The following ARHGEF10 variants were observed in gnomAD, a reference collection of about 807,000 sequenced individuals.
ARHGEF10 encodes the protein Rho guanine nucleotide exchange factor (GEF) 10.
A neutral mutation model predicts 147.4 loss-of-function variants in ARHGEF10; 140 were observed. The observed-to-expected ratio is 0.95, with a 90% CI of 0.83 to 1.09. The LOEUF (loss-of-function observed/expected upper bound fraction) is 1.09. ARHGEF10 is among the 50% of genes least tolerant of loss of function. ARHGEF10 has a pLI of 0.00. For synonymous variants in ARHGEF10, 902 were observed against 695.8 expected (o/e 1.30, Z -4.67); for missense variants, 2,222 against 1,752.7 (o/e 1.27, Z -4.78).
chr8:1,875,334 A>C (rs1234491142), intron 7 of ARHGEF10, among the ~76,000 whole-genome samples: 1 of 152,110 alleles, frequency 6.6e-6, no homozygotes, highest in Admixed American at 6.5e-5. Context: ...CTTTTCTCTG[A>C]GTCCCCTAGT....
intron 1 of ARHGEF10, among the ~76,000 whole-genome samples, chr8:1,843,065 AT>A (rs1804218351): frequency 6.6e-6 from 1 of 152,236 alleles, no homozygotes; most frequent in Non-Finnish European, 1.5e-5. Flanking sequence ...AGCCAGTGTC[AT>A]TTTGGGAGGG....
At position 1,885,585 on chromosome 8, in the gene ARHGEF10, T is replaced by G; in HGVS notation, c.1076-16T>G. 1 of 1,574,588 alleles carries G rather than the reference T, an allele frequency of 6.4e-7. No homozygotes were observed. Among genetic ancestry groups the G allele is most frequent in the African/African-American group, 1.3e-5 (1 of 74,274 alleles). ...ATTTGAATGTAAAATTCATGCATTT[T>G]GACTTTTTTTTTAAGATCACAGATC... is the stretch of plus-strand genomic sequence containing the variant. On this transcript the variant is annotated splice_polypyrimidine_tract_variant and intron_variant, in intron 10 of 28. Coordinates refer to ENST00000349830, the MANE Select transcript of ARHGEF10 (RefSeq NM_014629.4).
chr8:1,869,673 G>T, intron 7 of ARHGEF10: 1 of 316,086 alleles, frequency 3.2e-6, no homozygotes, highest in South Asian at 2.9e-5. Context: ...TAGACATAGA[G>T]ATTCAAAGCA....
chr8:1,931,268 A>G (rs898673527), intron 25 of ARHGEF10, among the ~76,000 whole-genome samples: 1 of 152,194 alleles, frequency 6.6e-6, no homozygotes, highest in East Asian at 1.9e-4. Context: ...ACTTTTTCAT[A>G]TAATCTGGAT....
Position 1,894,581 on chromosome 8 carries a change from G to A in ARHGEF10, c.1440+9G>A. The A allele has an allele frequency of 6.2e-7, 1 of 1,613,848 alleles. No homozygotes were observed. The highest frequency in any genetic ancestry group is 1.1e-5 in the South Asian group (1 of 91,060). ...ATGTCTTCGTGGCTTCGGTAATTAA[G>A]CTGGGACACCTGGATGTCCATGGGG... On this transcript the variant is annotated intron_variant, in intron 13 of 28. Transcript: ENST00000349830.
intron 2 of ARHGEF10, among the ~76,000 whole-genome samples, chr8:1,850,396 CT>C (rs1805029634): frequency 6.8e-6 from 1 of 146,490 alleles, no homozygotes. Flanking sequence ...ACGGCAAATG[CT>C]GAGGAGGGTG....
At chr8:1,952,591 C>T in intron 27 of ARHGEF10, 114 bp from the exon 28 acceptor site, 2 of 1,424,140 alleles carry the variant, frequency 1.4e-6, no homozygotes, top group Non-Finnish European at 1.9e-6. Context: ...CATCCTGCCC[C>T]TGGCGGATTT....
Position 1,869,197 on chromosome 8 carries a change from C to T in ARHGEF10, c.626C>T (p.Pro209Leu). The change falls in exon 7 of 29, where the codon CCA (proline) becomes CTA (leucine). Residue 209 changes from proline (P) to leucine (L), a missense_variant. Transcript: ENST00000349830. ...DPANTAWMEN[P>L]EEAIYDDVPR... Reference sequence around the variant, plus strand: ...TGTTTCTCCCCGTTTATTGCAGATCCAGAGGAAGCAATTTACGATGACGTT... The same window carrying T: ...TGTTTCTCCCCGTTTATTGCAGATCTAGAGGAAGCAATTTACGATGACGTT... The T allele has an allele frequency of 6.2e-7, 1 of 1,613,656 alleles. No individual in the cohort carries two copies. The highest frequency in any genetic ancestry group is 2.2e-5 in the East Asian group (1 of 44,868).
At chr8:1,859,840 C>A in intron 3 of ARHGEF10, 57 bp from the exon 4 acceptor site, 1 of 1,604,188 alleles carries the variant, frequency 6.2e-7, no homozygotes. Context: ...TCCAGGAGGG[C>A]ATGCCTGCCA....
intron 26 of ARHGEF10, among the ~76,000 whole-genome samples, chr8:1,934,614 A>G (rs1218830746): frequency 1.3e-5 from 2 of 152,198 alleles, no homozygotes; most frequent in African/African-American, 4.8e-5. Flanking sequence ...TCACCAAAGA[A>G]TCAGGAGACA....
intron 2 of ARHGEF10, among the ~76,000 whole-genome samples, chr8:1,852,122 C>T (rs1364529344): frequency 3.9e-5 from 6 of 152,138 alleles, no homozygotes; most frequent in Non-Finnish European, 7.3e-5. Flanking sequence ...AATTAAATAA[C>T]AACAACAACT....
At position 1,880,148 on chromosome 8, in the gene ARHGEF10, A is replaced by C; in HGVS notation, c.944A>C (p.Gln315Pro). The C allele has an allele frequency of 6.2e-7, 1 of 1,613,372 alleles. No individual in the cohort carries two copies. The highest frequency in any genetic ancestry group is 8.5e-7 in the Non-Finnish European group (1 of 1,179,352). ...GTGGTGGAGATTCAGCAGCTCAGGC[A>C]GAAGCATGAACTGAAGGTAGAGTCT... ...VGVVEIQQLR[Q>P]KHELKMQKLV... Residue 315 changes from glutamine (Q) to proline (P), a missense_variant, in exon 9 of 29, where the codon CAG (glutamine) becomes CCG (proline). Gln to Pro is a moderately conservative substitution (Grantham distance 76). Coordinates refer to ENST00000349830, the MANE Select transcript of ARHGEF10 (RefSeq NM_014629.4).
At position 1,901,660 on chromosome 8, in the gene ARHGEF10, G is replaced by GT. The variant is rs1188209172; in HGVS notation, c.1651-1621_1651-1620insT. On this transcript the variant is annotated intron_variant, in intron 15 of 28. Coordinates refer to ENST00000349830, the MANE Select transcript of ARHGEF10 (RefSeq NM_014629.4). ...CGGATGCCCCCGGCTGTGCTCAGTG[G>GT]CCCCACGGCATGTCGGACTCCACCC... is the stretch of plus-strand genomic sequence containing the variant. 2.0e-5 allele frequency among the ~76,000 whole-genome samples: 3 copies of GT among 152,232 alleles called. No individual in the cohort carries two copies. In the East Asian group the frequency reaches 5.8e-4, roughly 29 times the overall value.
At chr8:1,903,610 AC>A (rs1409468057) in intron 16 of ARHGEF10, 159 bp downstream of exon 16, 1 of 826,462 alleles carries the variant, frequency 1.2e-6, no homozygotes, top group Non-Finnish European at 1.9e-6. Flanking sequence ...GGAGAGTCAC[AC>A]CAATGTGGAA....
intron 25 of ARHGEF10, among the ~76,000 whole-genome samples, chr8:1,930,096 T>C (rs950957877): frequency 6.6e-6 from 1 of 151,958 alleles, no homozygotes; most frequent in East Asian, 1.9e-4. Flanking sequence ...CCTTCCAGCT[T>C]CCTTGGTGCT....
intron 17 of ARHGEF10, among the ~76,000 whole-genome samples, chr8:1,907,498 C>T (rs1810994840): frequency 6.6e-6 from 1 of 152,200 alleles, no homozygotes; most frequent in South Asian, 2.1e-4. Context: ...TTTCCGCATT[C>T]ATCACTGATG....
In ARHGEF10 at chr8:1,923,020, G is replaced by A. The variant is rs1205141333; in HGVS notation, c.2200G>A (p.Asp734Asn). 6.2e-7 allele frequency: 1 copy of A among 1,613,472 alleles called. No individual in the cohort carries two copies. The change falls in exon 19 of 29, where the codon GAC (aspartate) becomes AAC (asparagine). Residue 734 changes from aspartate to asparagine, a missense_variant. Physicochemically the swap from Asp to Asn is conservative, Grantham distance 23. Transcript: ENST00000349830. ...TCAAGATTTACAAAACTTGTTGCATGACTTAAATGTAATTGGCCAAATCAC... is the reference window on the plus strand; with the variant it reads ...TCAAGATTTACAAAACTTGTTGCATAACTTAAATGTAATTGGCCAAATCAC... ...LYQDLQNLLH[D>N]LNVIGQITQL...
At chr8:1,932,883 A>C (rs1462025051) in intron 25 of ARHGEF10, among the ~76,000 whole-genome samples, 3 of 152,214 alleles carry the variant, frequency 2.0e-5, no homozygotes, top group Non-Finnish European at 4.4e-5. Context: ...AGTCGACGGC[A>C]TTGATGGATT....
intron 27 of ARHGEF10, 94 bp downstream of exon 27, chr8:1,945,749 G>A: frequency 1.3e-6 from 2 of 1,521,860 alleles, no homozygotes; most frequent in Admixed American, 1.7e-5. Context: ...GCGCTTCCCA[G>A]TGCAGGACAC....
Sources: allele counts gnomAD v4.1 joint callset (sites outside exome capture counted in the v4.1 genomes callset), GRCh38; gene constraint gnomAD v4.1.1; transcripts MANE v1.5; gene names NCBI Gene and HGNC (gene_info 2026-07-23, HGNC 2026-07-21).